The following IFNGR1 variants were observed in gnomAD, a reference collection of about 807,000 sequenced individuals.
IFNGR1 encodes AVP, type 2.
IFNGR1 carries 23 observed loss-of-function variants against 35.4 expected under a neutral mutation model. The ratio of observed to expected loss-of-function variants is 0.65; its 90% CI spans 0.47 to 0.92. The LOEUF (loss-of-function observed/expected upper bound fraction) is 0.92, where lower values mean the gene tolerates loss of function less well. Among genes scored for constraint, IFNGR1 ranks in the 40% least tolerant of loss-of-function variants. The pLI is 0.00. For missense variants in IFNGR1, 533 were observed against 583.4 expected, an observed-to-expected ratio of 0.91 and a Z score of 0.89; for synonymous variants, 199 against 209.5, an observed-to-expected ratio of 0.95 and a Z score of 0.43.
At chr6:137,217,644 G>T (rs1385171950) in intron 1 of IFNGR1, among the ~76,000 whole-genome samples, 1 of 152,142 alleles carries the variant, frequency 6.6e-6, no homozygotes, top group African/African-American at 2.4e-5. Flanking sequence ...AGCAGTTTGG[G>T]TTCCTGGTTC....
intron 1 of IFNGR1, among the ~76,000 whole-genome samples, chr6:137,208,807 A>G (rs1407469974): frequency 6.6e-6 from 1 of 152,186 alleles, no homozygotes; most frequent in Non-Finnish European, 1.5e-5. Context: ...ACAAGTCCCT[A>G]CTGGGGCACT....
chr6:137,209,963 C>T (rs1208763786), intron 1 of IFNGR1: 7 of 398,364 alleles, frequency 1.8e-5, no homozygotes, highest in Non-Finnish European at 2.7e-5. Flanking sequence ...TTCACTCTTT[C>T]AGAAAACATC....
intron 3 of IFNGR1, 124 bp downstream of exon 3, chr6:137,206,012 A>T: frequency 1.2e-6 from 1 of 821,840 alleles, no homozygotes; most frequent in East Asian, 2.6e-5. Flanking sequence ...CTGACTCTAA[A>T]TTCCTCCAAG....
intron 1 of IFNGR1, among the ~76,000 whole-genome samples, chr6:137,212,499 G>A (rs942387610): frequency 6.6e-6 from 1 of 152,044 alleles, no homozygotes; most frequent in Non-Finnish European, 1.5e-5. Context: ...CTCATGAATC[G>A]CCCACCTGGG....
chr6:137,203,568 G>A lies in IFNGR1; in HGVS notation c.664C>T (p.His222Tyr), dbSNP rs148469894. Residue 222 changes from histidine to tyrosine, a missense_variant, in exon 5 of 7, where the codon CAT (histidine) becomes TAT (tyrosine). Coordinates refer to ENST00000367739, the MANE Select transcript of IFNGR1 (RefSeq NM_000416.3). ...QYCVSAEGVL[H>Y]VWGVTTEKSK... Reference sequence around the variant, plus strand: ...TTTTCAGTTGTAACACCCCACACATGTAAGACTCCTTCTGCTGAAACACAG... The same window carrying A: ...TTTTCAGTTGTAACACCCCACACATATAAGACTCCTTCTGCTGAAACACAG... 2.0e-5 allele frequency: 32 copies of A among 1,613,204 alleles called. No individual in the cohort carries two copies. The Middle Eastern group carries it at 1.3e-3, about 66-fold the overall frequency.
At chr6:137,204,549 A>G (rs1447950541) in intron 3 of IFNGR1, 45 bp from the exon 4 acceptor site, 4 of 1,396,498 alleles carry the variant, frequency 2.9e-6, no homozygotes, top group Non-Finnish European at 4.1e-6. Context: ...TGGCCTTGGA[A>G]CTAAATGGTA....
intron 1 of IFNGR1, among the ~76,000 whole-genome samples, chr6:137,214,515 C>T (rs184590097): frequency 2.1e-4 from 32 of 152,318 alleles, no homozygotes; most frequent in South Asian, 1.2e-3. Context: ...AGGCATAACA[C>T]ATAGTGGCCT....
At chr6:137,209,709 A>G (rs145072270) in intron 1 of IFNGR1, 1 of 398,474 alleles carries the variant, frequency 2.5e-6, no homozygotes, top group East Asian at 3.6e-5. Flanking sequence ...CAGCACGAAA[A>G]CAGACTAATA....
In IFNGR1 at chr6:137,197,976, A is replaced by C. The variant is rs1779129070; in HGVS notation, c.*55T>G. 6.2e-7 allele frequency: 1 copy of C among 1,611,134 alleles called. No homozygotes were observed. On this transcript the variant is annotated 3_prime_UTR_variant, in exon 7 of 7. Transcript: ENST00000367739. ...GATCATAATCTTTTCATGAAATTAA[A>C]GCAGAAAACTGTCCAGGAAAATCAG...
chr6:137,213,649 C>T (rs908243772), intron 1 of IFNGR1, among the ~76,000 whole-genome samples: 1 of 152,130 alleles, frequency 6.6e-6, no homozygotes. Flanking sequence ...GCAGTGCTAT[C>T]GACGGGACCA....
At chr6:137,218,386 G>A (rs565742671) in intron 1 of IFNGR1, 1 of 784,620 alleles carries the variant, frequency 1.3e-6, no homozygotes, top group East Asian at 6.4e-5. Context: ...TTGTTTTCTA[G>A]GAAATGTCAA....
rs202241638 is a variant in IFNGR1 at position 137,215,289 on chromosome 6, GAGA to G, written c.85+3951_85+3953del. 2,170 of 1,548,904 alleles carry G rather than the reference GAGA, an allele frequency of 1.4e-3. 21 individuals are homozygous for G. In the African/African-American group the frequency reaches 0.027, roughly 19 times the overall value. On this transcript the variant is annotated intron_variant, in intron 1 of 6. Coordinates refer to ENST00000367739, the MANE Select transcript of IFNGR1 (RefSeq NM_000416.3). ...TACCTCCATATTTAAATTGGAATTG[GAGA>G]AGACTATTTTCTGGTGACTTCAAAA... is the stretch of plus-strand genomic sequence containing the variant.
chr6:137,201,781 G>A (rs1779284898), intron 5 of IFNGR1, among the ~76,000 whole-genome samples: 1 of 151,960 alleles, frequency 6.6e-6, no homozygotes, highest in Non-Finnish European at 1.5e-5. Flanking sequence ...TTTATTTCAC[G>A]ACTGCAAATA....
At chr6:137,208,924 A>G (rs997156261) in intron 1 of IFNGR1, among the ~76,000 whole-genome samples, 2 of 152,192 alleles carry the variant, frequency 1.3e-5, no homozygotes, top group African/African-American at 4.8e-5. Flanking sequence ...AGCCTGTGAA[A>G]GCAGCTGAGA....
chr6:137,199,315 A>G (rs1285768522), intron 6 of IFNGR1, among the ~76,000 whole-genome samples: 3 of 133,562 alleles, frequency 2.2e-5, no homozygotes, highest in Non-Finnish European at 4.6e-5. Flanking sequence ...TATATATTAT[A>G]TAATATATAA....
At chr6:137,217,534 G>A (rs1435154094) in intron 1 of IFNGR1, among the ~76,000 whole-genome samples, 1 of 152,148 alleles carries the variant, frequency 6.6e-6, no homozygotes, top group African/African-American at 2.4e-5. Flanking sequence ...AATGGAGGAG[G>A]CTGCAAGATG....
chr6:137,203,773 A>G lies in IFNGR1; in HGVS notation c.547-88T>C, dbSNP rs1183028638. On this transcript the variant is annotated intron_variant, in intron 4 of 6. Coordinates refer to ENST00000367739, the MANE Select transcript of IFNGR1 (RefSeq NM_000416.3). Reference sequence around the variant, plus strand: ...TCACCATATTAGTCCTGGTCAAACAACTGAAGAAATATATATGATTGACTT... The same window carrying G: ...TCACCATATTAGTCCTGGTCAAACAGCTGAAGAAATATATATGATTGACTT... 5.7e-6 allele frequency: 6 copies of G among 1,050,834 alleles called. No individual in the cohort carries two copies. The African/African-American group carries it at 8.0e-5, about 14-fold the overall frequency. The allele number at this position is 1,050,834 out of a possible 1,614,324, so 65.1% of individuals were successfully genotyped here. A position where few individuals can be genotyped will look rare whatever the true frequency, so the allele number is the denominator to read the frequency against.
intron 1 of IFNGR1, among the ~76,000 whole-genome samples, chr6:137,215,006 G>A (rs143860739): frequency 9.9e-4 from 150 of 152,222 alleles, no homozygotes; most frequent in African/African-American, 3.4e-3. Flanking sequence ...AAATAATAAT[G>A]CACATTATTG....
intron 6 of IFNGR1, among the ~76,000 whole-genome samples, chr6:137,200,083 C>T (rs983487645): frequency 1.3e-5 from 2 of 151,954 alleles, no homozygotes; most frequent in Admixed American, 6.6e-5. Flanking sequence ...TTCTCTAGCG[C>T]GTGTAAAATG....
Sources: gnomAD v4.1 joint callset for allele counts (sites outside exome capture counted in the v4.1 genomes callset) on GRCh38, gnomAD v4.1.1 for gene constraint, MANE v1.5 for transcripts, NCBI Gene and HGNC (gene_info 2026-07-23, HGNC 2026-07-21) for gene names.